MBD5: variants seen among roughly 807,000 people sequenced by gnomAD.
MBD5 encodes methyl-CpG-binding domain protein 5.
Under a neutral mutation model 117.3 loss-of-function variants are expected in MBD5, and 13 were observed. That is an observed-to-expected ratio of 0.11 (90% CI 0.07 to 0.18). The LOEUF (loss-of-function observed/expected upper bound fraction) is 0.18, where lower values mean the gene tolerates loss of function less well. MBD5 is among the 10% of genes least tolerant of loss of function. The pLI, the probability that MBD5 is intolerant of heterozygous loss-of-function variation, is 1.00. For synonymous variants in MBD5, 727 were observed against 766.4 expected (o/e 0.95, Z 0.85); for missense variants, 1,879 against 2,093.8 (o/e 0.90, Z 2.00).
At chr2:148,120,521 T>A (rs2105401161) in intron 1 of MBD5, among the ~76,000 whole-genome samples, 1 of 152,362 alleles carries the variant, frequency 6.6e-6, no homozygotes, top group South Asian at 2.1e-4. Flanking sequence ...TGGTTATTCA[T>A]AAGTATTTTC....
At chr2:148,275,375 A>G (rs1157625758) in intron 3 of MBD5, among the ~76,000 whole-genome samples, 1 of 152,158 alleles carries the variant, frequency 6.6e-6, no homozygotes, top group South Asian at 2.1e-4. Context: ...TTCTCCAGAG[A>G]AACAAAATTA....
chr2:148,458,297 G>T lies in MBD5; in HGVS notation c.-462G>T. 1 of 408,224 alleles carries T rather than the reference G, an allele frequency of 2.4e-6. No homozygotes were observed. The allele number at this position is 408,224 out of a possible 1,614,324, so 25.3% of individuals were successfully genotyped here. A position where few individuals can be genotyped will look rare whatever the true frequency, so the allele number is the denominator to read the frequency against. ...TTGGAAGATAAAGAGAAAGTTTAAAGAATGTGGCCTATAAAGGCGGGTACC... is the reference window on the plus strand; with the variant it reads ...TTGGAAGATAAAGAGAAAGTTTAAATAATGTGGCCTATAAAGGCGGGTACC... On this transcript the variant is annotated 5_prime_UTR_variant, in exon 5 of 14. An upstream open reading frame in the 5' UTR gains an earlier in-frame stop. Coordinates refer to ENST00000642680, the MANE Select transcript of MBD5 (RefSeq NM_001378120.1).
chr2:148,225,980 T>C (rs1208665553), intron 2 of MBD5, among the ~76,000 whole-genome samples: 1 of 152,182 alleles, frequency 6.6e-6, no homozygotes, highest in African/African-American at 2.4e-5. Context: ...GTACTCTCGA[T>C]ATTGATATCT....
intron 1 of MBD5, among the ~76,000 whole-genome samples, chr2:148,059,560 G>A (rs768226374): frequency 2.0e-5 from 3 of 151,990 alleles, no homozygotes; most frequent in African/African-American, 4.8e-5. Flanking sequence ...AAGAAATGTC[G>A]AAGGAGGCCG....
rs193073385 is a variant in MBD5 at position 148,217,205 on chromosome 2, G to C, written c.-830-16040G>C. On this transcript the variant is annotated intron_variant, in intron 2 of 13. Coordinates refer to ENST00000642680, the MANE Select transcript of MBD5 (RefSeq NM_001378120.1). ...GTATGTGGGAGCAGAGAATGGGGTG[G>C]GTGGGTGAAGCGTATGCCAGATGAG... Among the ~76,000 whole-genome samples the C allele has an allele frequency of 3.2e-3, 490 of 152,266 alleles. 3 individuals are homozygous for C. The highest frequency in any genetic ancestry group is 6.8e-3 in the Middle Eastern group (2 of 294).
chr2:148,324,346 T>C (rs1702382383), intron 3 of MBD5, among the ~76,000 whole-genome samples: 1 of 152,192 alleles, frequency 6.6e-6, no homozygotes, highest in Non-Finnish European at 1.5e-5. Context: ...ATATGAACTT[T>C]AAAGTAGTTT....
intron 4 of MBD5, among the ~76,000 whole-genome samples, chr2:148,391,527 T>C (rs1449211362): frequency 6.6e-6 from 1 of 152,202 alleles, no homozygotes; most frequent in East Asian, 1.9e-4. Context: ...TTTGACTTTA[T>C]AATGTTTTTC....
rs1221447035 is a variant in MBD5 at position 148,432,680 on chromosome 2, C to T, written c.-556-25523C>T. On this transcript the variant is annotated intron_variant, in intron 4 of 13. Coordinates refer to ENST00000642680, the MANE Select transcript of MBD5 (RefSeq NM_001378120.1). ...TTGTTGGAGATCAGATGGTTGTAGG[C>T]GTGCAGCTTTATTTCTGGGCCCTCT... Among the ~76,000 whole-genome samples, 86 of 151,778 alleles carry T rather than the reference C, an allele frequency of 5.7e-4. 3 individuals are homozygous for T. Among genetic ancestry groups the T allele is most frequent in the Non-Finnish European group, 1.2e-4 (8 of 67,872 alleles).
At chr2:148,470,644 A>G in intron 8 of MBD5, 183 bp downstream of exon 8, 1 of 564,440 alleles carries the variant, frequency 1.8e-6, no homozygotes, top group South Asian at 2.8e-5. Context: ...TGGGAAGATT[A>G]ACAGCTAAGA....
At chr2:148,167,664 G>A (rs761993648) in intron 1 of MBD5, among the ~76,000 whole-genome samples, 26 of 152,248 alleles carry the variant, frequency 1.7e-4, no homozygotes, top group Non-Finnish European at 3.8e-4. Flanking sequence ...TGGAAAATAT[G>A]TGATGTCCTT....
chr2:148,235,671 T>C (rs941741379), intron 3 of MBD5, among the ~76,000 whole-genome samples: 1 of 152,160 alleles, frequency 6.6e-6, no homozygotes, highest in Non-Finnish European at 1.5e-5. Flanking sequence ...AGCCATACAT[T>C]TTTTTCCCAG....
intron 8 of MBD5, among the ~76,000 whole-genome samples, chr2:148,480,518 G>A (rs2105049088): frequency 6.6e-6 from 1 of 152,078 alleles, no homozygotes; most frequent in Admixed American, 6.5e-5. Context: ...CACAGATAGT[G>A]CCACAAGTAG....
At chr2:148,400,794 T>G (rs909352656) in intron 4 of MBD5, among the ~76,000 whole-genome samples, 3 of 152,210 alleles carry the variant, frequency 2.0e-5, no homozygotes, top group Non-Finnish European at 4.4e-5. Context: ...AAATTATATC[T>G]CTTCCATTTA....
chr2:148,024,042 G>A (rs1012805978), intron 1 of MBD5, among the ~76,000 whole-genome samples: 2 of 151,996 alleles, frequency 1.3e-5, no homozygotes, highest in Non-Finnish European at 2.9e-5. Context: ...AGGGACCAGG[G>A]AACTCAGGTC....
chr2:148,256,778 G>T (rs1415787294), intron 3 of MBD5, among the ~76,000 whole-genome samples: 1 of 152,350 alleles, frequency 6.6e-6, no homozygotes, highest in East Asian at 1.9e-4. Context: ...AAGGCTCAGG[G>T]TCTAGGGGTG....
At chr2:148,077,897 T>C (rs1161239278) in intron 1 of MBD5, among the ~76,000 whole-genome samples, 1 of 152,122 alleles carries the variant, frequency 6.6e-6, no homozygotes, top group African/African-American at 2.4e-5. Context: ...CAATTTATGA[T>C]AGAGTTGGGA....
At chr2:148,184,153 A>C (rs1698595932) in intron 2 of MBD5, among the ~76,000 whole-genome samples, 1 of 151,834 alleles carries the variant, frequency 6.6e-6, no homozygotes, top group Admixed American at 6.6e-5. Context: ...CTGGGACTGC[A>C]GACACATGCC....
At chr2:148,081,757 A>G (rs1054068774) in intron 1 of MBD5, among the ~76,000 whole-genome samples, 5 of 152,106 alleles carry the variant, frequency 3.3e-5, no homozygotes, top group Non-Finnish European at 5.9e-5. Flanking sequence ...CATGCTTAAG[A>G]TGAACGGGTC....
chr2:148,440,163 A>G (rs927763456), intron 4 of MBD5, among the ~76,000 whole-genome samples: 2 of 152,236 alleles, frequency 1.3e-5, no homozygotes, highest in African/African-American at 4.8e-5. Flanking sequence ...AATGGAGACT[A>G]CTGATAAAAT....
Sources: allele counts gnomAD v4.1 joint callset (sites outside exome capture counted in the v4.1 genomes callset), GRCh38; gene constraint gnomAD v4.1.1; transcripts MANE v1.5; gene names NCBI Gene and HGNC (gene_info 2026-07-23, HGNC 2026-07-21).